XIRP2: variants seen among roughly 807,000 people sequenced by gnomAD.
XIRP2 encodes the protein xin actin binding repeat containing 2, also known as xin actin-binding repeat-containing protein 2.
Under a neutral mutation model 277.0 loss-of-function variants are expected in XIRP2, and 236 were observed. The ratio of observed to expected loss-of-function variants is 0.85; its 90% CI spans 0.77 to 0.95. The LOEUF (loss-of-function observed/expected upper bound fraction) is 0.95, where lower values mean the gene tolerates loss of function less well. Among genes scored for constraint, XIRP2 ranks in the 40% least tolerant of loss-of-function variants. The probability of loss-of-function intolerance (pLI) is 0.00; values close to 1 mark genes in which losing one functional copy is unlikely to be tolerated. For synonymous variants in XIRP2, 1,490 were observed against 1,416.5 expected (o/e 1.05, Z -1.17); for missense variants, 4,640 against 4,157.5 (o/e 1.12, Z -3.19).
intron 2 of XIRP2, among the ~76,000 whole-genome samples, chr2:167,103,261 T>A (rs575801272): frequency 1.3e-5 from 2 of 152,310 alleles, no homozygotes; most frequent in East Asian, 3.9e-4. Context: ...TTATTATTAT[T>A]ACTTAAAAAG....
chr2:166,998,314 G>GTT (rs1413149962), intron 2 of XIRP2, among the ~76,000 whole-genome samples: 7 of 152,074 alleles, frequency 4.6e-5, no homozygotes, highest in African/African-American at 1.7e-4. Flanking sequence ...AGGTTAAGGT[G>GTT]ACTCCAAGAT....
At chr2:167,021,754 G>T (rs1574171665) in intron 2 of XIRP2, among the ~76,000 whole-genome samples, 1 of 152,056 alleles carries the variant, frequency 6.6e-6, no homozygotes, top group African/African-American at 2.4e-5. Context: ...GAGCCCAAGA[G>T]ATTGAGGCTG....
chr2:167,024,693 C>A (rs956155631), intron 2 of XIRP2, among the ~76,000 whole-genome samples: 3 of 152,106 alleles, frequency 2.0e-5, no homozygotes, highest in East Asian at 1.9e-4. Context: ...AAGGCCTTTT[C>A]TGCATCTATT....
In XIRP2 at chr2:167,012,854, A is replaced by G. The variant is rs566961778; in HGVS notation, c.408+108964A>G. Among the ~76,000 whole-genome samples the G allele has an allele frequency of 1.7e-4, 26 of 151,570 alleles. No homozygotes were observed. In the South Asian group the frequency reaches 3.5e-3, roughly 21 times the overall value. ...TCTGGCTATGCCTTAATTTCCTTCA[A>G]TATCATAGACTCCAAAATAGCTAGC... On this transcript the variant is annotated intron_variant, in intron 2 of 10. Transcript: ENST00000409195.
At chr2:167,092,808 A>G (rs1316161252) in intron 2 of XIRP2, among the ~76,000 whole-genome samples, 1 of 152,138 alleles carries the variant, frequency 6.6e-6, no homozygotes, top group African/African-American at 2.4e-5. Context: ...GTAGAGAGTG[A>G]TTTAAGCAAA....
intron 2 of XIRP2, among the ~76,000 whole-genome samples, chr2:166,923,567 A>T (rs1327945871): frequency 6.6e-6 from 1 of 152,066 alleles, no homozygotes; most frequent in Non-Finnish European, 1.5e-5. Context: ...AAAGTGACTG[A>T]AGTAGAAAGA....
chr2:167,049,047 C>G (rs1332568266), intron 2 of XIRP2, among the ~76,000 whole-genome samples: 1 of 151,832 alleles, frequency 6.6e-6, no homozygotes, highest in Non-Finnish European at 1.5e-5. Context: ...TAAGGGTAGG[C>G]AAATGCCTGG....
Position 167,256,500 on chromosome 2 carries a change from T to C in XIRP2, c.*40-1357T>C, listed in dbSNP as rs140759893. Reference sequence around the variant, plus strand: ...TTAAATTCTGATTCATGATGTTCTTTCAGGTCTTTTATCATGTTCTTAATG... The same window carrying C: ...TTAAATTCTGATTCATGATGTTCTTCCAGGTCTTTTATCATGTTCTTAATG... On this transcript the variant is annotated intron_variant, in intron 10 of 10. Transcript: ENST00000409195. 9.3e-4 allele frequency among the ~76,000 whole-genome samples: 142 copies of C among 151,970 alleles called. 1 individual carries two copies. The highest frequency in any genetic ancestry group is 3.2e-3 in the African/African-American group (134 of 41,558).
intron 3 of XIRP2, among the ~76,000 whole-genome samples, chr2:167,169,132 T>C (rs1217778717): frequency 6.6e-6 from 1 of 152,140 alleles, no homozygotes; most frequent in Non-Finnish European, 1.5e-5. Flanking sequence ...GAGGAAGGCT[T>C]TTATAGTCCT....
chr2:167,092,574 T>G (rs1300051803), intron 2 of XIRP2, among the ~76,000 whole-genome samples: 1 of 152,150 alleles, frequency 6.6e-6, no homozygotes, highest in Non-Finnish European at 1.5e-5. Context: ...AGTTTCAATG[T>G]TGAAAATAAA....
rs12621191 is a variant in XIRP2 at position 167,163,311 on chromosome 2, G to A, written c.562+27249G>A. ...AATGTGTGAGAATTTCAGTTTTTCT[G>A]TGTCTTCCCCACAATTTGTGACCAT... On this transcript the variant is annotated intron_variant, in intron 3 of 10. Transcript: ENST00000409195. Among the ~76,000 whole-genome samples the A allele has an allele frequency of 7.8e-3, 1,195 of 152,258 alleles. 42 individuals carry two copies. In the East Asian group the frequency reaches 0.093, roughly 12 times the overall value.
chr2:167,117,138 G>A (rs1690918168), intron 2 of XIRP2, among the ~76,000 whole-genome samples: 1 of 152,134 alleles, frequency 6.6e-6, no homozygotes, highest in Non-Finnish European at 1.5e-5. Flanking sequence ...TTGGTTAATA[G>A]AATTGTAATC....
intron 5 of XIRP2, among the ~76,000 whole-genome samples, chr2:167,222,642 G>A (rs192748028): frequency 0.011 from 1,686 of 152,244 alleles, 9 homozygotes; most frequent in Non-Finnish European, 0.016. Context: ...CAACTTGAGA[G>A]GGGTGTCTTT....
At position 167,257,902 on chromosome 2, in the gene XIRP2, T is replaced by G; in HGVS notation, c.*85T>G. 6 of 1,610,698 alleles carry G rather than the reference T, an allele frequency of 3.7e-6. No homozygotes were observed. Among genetic ancestry groups the G allele is most frequent in the Non-Finnish European group, 5.1e-6 (6 of 1,178,796 alleles). ...TTCATGGACAAATATACTGTAAACC[T>G]CACTTTAAACAACTTTTCAAATCCA... On this transcript the variant is annotated 3_prime_UTR_variant, in exon 11 of 11. Coordinates refer to ENST00000409195, the MANE Select transcript of XIRP2 (RefSeq NM_152381.6).
chr2:167,187,532 G>C, intron 3 of XIRP2: 1 of 985,022 alleles, frequency 1.0e-6, no homozygotes, highest in Non-Finnish European at 1.2e-6. Context: ...ATCATAAAAG[G>C]TAAGTGTAAT....
At chr2:166,972,352 C>G (rs1158977326) in intron 2 of XIRP2, among the ~76,000 whole-genome samples, 1 of 152,044 alleles carries the variant, frequency 6.6e-6, no homozygotes, top group East Asian at 1.9e-4. Context: ...AATGGCATAT[C>G]AGATAGGAAT....
intron 3 of XIRP2, among the ~76,000 whole-genome samples, chr2:167,185,125 T>G (rs576328731): frequency 6.6e-6 from 1 of 152,178 alleles, no homozygotes; most frequent in Non-Finnish European, 1.5e-5. Context: ...GTCCTGATGT[T>G]TTCATTGTCT....
chr2:167,111,177 G>A (rs1690744696), intron 2 of XIRP2, among the ~76,000 whole-genome samples: 1 of 151,996 alleles, frequency 6.6e-6, no homozygotes, highest in South Asian at 2.1e-4. Context: ...TCTTTCTCTT[G>A]ACTGATTGTT....
intron 3 of XIRP2, among the ~76,000 whole-genome samples, chr2:167,200,421 A>G (rs1573952530): frequency 6.6e-6 from 1 of 152,240 alleles, no homozygotes; most frequent in Non-Finnish European, 1.5e-5. Context: ...GCAGGAAAAA[A>G]ACATGAGGAA....
Sources: gnomAD v4.1 joint callset for allele counts (sites outside exome capture counted in the v4.1 genomes callset) on GRCh38, gnomAD v4.1.1 for gene constraint, MANE v1.5 for transcripts, NCBI Gene and HGNC (gene_info 2026-07-23, HGNC 2026-07-21) for gene names.